CDYL: variants seen among roughly 807,000 people sequenced by gnomAD.
CDYL encodes the protein chromodomain Y like, also known as chromodomain Y-like protein.
Under a neutral mutation model 47.3 loss-of-function variants are expected in CDYL, and 8 were observed. That is an observed-to-expected ratio of 0.17 (90% CI 0.10 to 0.31). The LOEUF (loss-of-function observed/expected upper bound fraction) is 0.31. Ranked by LOEUF, CDYL falls within the 10% of genes least tolerant of loss-of-function variation. The pLI is 1.00. For missense variants in CDYL, 471 were observed against 701.4 expected (o/e 0.67, Z 3.71); for synonymous variants, 266 against 265.0 (o/e 1.00, Z -0.04).
At chr6:4,953,838 C>G in intron 6 of CDYL, 60 bp from the exon 7 acceptor site, 4 of 1,521,948 alleles carry the variant, frequency 2.6e-6, no homozygotes, top group Non-Finnish European at 3.6e-6. Flanking sequence ...TGTGGAGGCA[C>G]AGGGGACCCG....
chr6:4,867,369 G>T (rs1287730683), intron 1 of CDYL, among the ~76,000 whole-genome samples: 2 of 151,986 alleles, frequency 1.3e-5, no homozygotes, highest in Non-Finnish European at 2.9e-5. Context: ...CTGCAGACTT[G>T]CTGAGAATGA....
chr6:4,922,024 G>A (rs1157416251), intron 2 of CDYL, among the ~76,000 whole-genome samples: 1 of 152,130 alleles, frequency 6.6e-6, no homozygotes. Flanking sequence ...CTCTGTGGTG[G>A]CAGCTGGGTA....
At chr6:4,796,175 C>T (rs888334456) in intron 1 of CDYL, among the ~76,000 whole-genome samples, 5 of 152,214 alleles carry the variant, frequency 3.3e-5, no homozygotes, top group African/African-American at 4.8e-5. Context: ...TCATGTGATC[C>T]GCCTGCCTCG....
intron 1 of CDYL, among the ~76,000 whole-genome samples, chr6:4,869,407 A>G (rs549952738): frequency 6.6e-6 from 1 of 151,986 alleles, no homozygotes; most frequent in South Asian, 2.1e-4. Context: ...TGATCTAGTA[A>G]TTTCTGCATT....
chr6:4,906,871 A>G (rs1757253806), intron 2 of CDYL, among the ~76,000 whole-genome samples: 1 of 152,188 alleles, frequency 6.6e-6, no homozygotes, highest in African/African-American at 2.4e-5. Flanking sequence ...TTTTCTGTTA[A>G]TATGTTCTCA....
chr6:4,878,083 C>A (rs1761666407), intron 1 of CDYL, among the ~76,000 whole-genome samples: 1 of 152,072 alleles, frequency 6.6e-6, no homozygotes, highest in Admixed American at 6.6e-5. Context: ...GTAAACCTTG[C>A]ATTTCTGAGA....
chr6:4,896,085 C>A (rs995338584), intron 2 of CDYL, among the ~76,000 whole-genome samples: 2 of 152,210 alleles, frequency 1.3e-5, no homozygotes, highest in Non-Finnish European at 2.9e-5. Flanking sequence ...CCCCTGTATA[C>A]TGCTGAGAAT....
intron 1 of CDYL, among the ~76,000 whole-genome samples, chr6:4,859,483 T>C (rs1024286796): frequency 7.2e-5 from 11 of 152,062 alleles, no homozygotes; most frequent in Non-Finnish European, 1.5e-4. Context: ...CCAACGGTGG[T>C]CTCCAGAGCG....
intron 1 of CDYL, among the ~76,000 whole-genome samples, chr6:4,836,869 G>C (rs751787971): frequency 6.6e-6 from 1 of 152,178 alleles, no homozygotes; most frequent in South Asian, 2.1e-4. Flanking sequence ...CCTGGTTACA[G>C]AATTGGGGAT....
chr6:4,706,755 C>T (rs1757053835), intron 1 of CDYL, among the ~76,000 whole-genome samples: 1 of 152,160 alleles, frequency 6.6e-6, no homozygotes, highest in African/African-American at 2.4e-5. Flanking sequence ...CACCACTGCA[C>T]TCCAGCCTGG....
At chr6:4,744,181 G>A (rs1255803433) in intron 3 of CDYL, among the ~76,000 whole-genome samples, 1 of 152,178 alleles carries the variant, frequency 6.6e-6, no homozygotes, top group Non-Finnish European at 1.5e-5. Context: ...GGGCCCACCA[G>A]TCCAGAATCT....
chr6:4,725,619 C>G (rs943140650), intron 2 of CDYL, among the ~76,000 whole-genome samples: 9 of 152,252 alleles, frequency 5.9e-5, no homozygotes, highest in Admixed American at 5.2e-4. Context: ...CCGCCGAGCC[C>G]ACGCCCACCC....
intron 2 of CDYL, among the ~76,000 whole-genome samples, chr6:4,927,658 C>T (rs1010863812): frequency 1.3e-5 from 2 of 152,152 alleles, no homozygotes; most frequent in Non-Finnish European, 2.9e-5. Flanking sequence ...TGAAGTGATC[C>T]ACCTGCCTTG....
At chr6:4,761,884 A>T (rs1490681100) in intron 3 of CDYL, among the ~76,000 whole-genome samples, 1 of 152,236 alleles carries the variant, frequency 6.6e-6, no homozygotes, top group Non-Finnish European at 1.5e-5. Flanking sequence ...TGCTAAGGAC[A>T]ACTAAGAAAG....
intron 2 of CDYL, among the ~76,000 whole-genome samples, chr6:4,722,361 C>T (rs2127410292): frequency 6.6e-6 from 1 of 151,980 alleles, no homozygotes; most frequent in South Asian, 2.1e-4. Context: ...GAGTTCGAGA[C>T]CAGCCTCAGC....
At chr6:4,788,480 C>CAAAAAAAAAAAAAAAAAAAA (rs1220969716) in intron 1 of CDYL, among the ~76,000 whole-genome samples, 10 of 61,060 alleles carry the variant, frequency 1.6e-4, no homozygotes, top group Admixed American at 2.3e-4. Context: ...GAGACTCTGT[C>CAAAAAAAAAAAAAAAAAAAA]AAAAAAAAAA....
chr6:4,915,860 A>G (rs1057319225), intron 2 of CDYL, among the ~76,000 whole-genome samples: 2 of 152,172 alleles, frequency 1.3e-5, no homozygotes, highest in African/African-American at 4.8e-5. Flanking sequence ...CTACCTGGAG[A>G]CTTCGTCTGT....
chr6:4,798,228 C>T (rs1470350621), intron 1 of CDYL, among the ~76,000 whole-genome samples: 2 of 152,142 alleles, frequency 1.3e-5, no homozygotes, highest in African/African-American at 2.4e-5. Context: ...CCACCTTGAC[C>T]TCCCAAAGTG....
At chr6:4,851,234 G>T (rs543465980) in intron 1 of CDYL, among the ~76,000 whole-genome samples, 29 of 152,280 alleles carry the variant, frequency 1.9e-4, no homozygotes, top group African/African-American at 7.0e-4. Context: ...TTTCCCATCT[G>T]TAAAATGGAC....
Sources: allele counts gnomAD v4.1 joint callset (sites outside exome capture counted in the v4.1 genomes callset), GRCh38; gene constraint gnomAD v4.1.1; transcripts MANE v1.5; gene names NCBI Gene and HGNC (gene_info 2026-07-23, HGNC 2026-07-21).